RTN4: variants seen among roughly 807,000 people sequenced by gnomAD.
The protein encoded by RTN4 is reticulon 4.
Under a neutral mutation model 90.4 loss-of-function variants are expected in RTN4, and 32 were observed. That is an observed-to-expected ratio of 0.35 (90% CI 0.27 to 0.48). RTN4 has a LOEUF of 0.48. RTN4 is among the 20% of genes least tolerant of loss of function. The pLI is 0.99. For synonymous variants in RTN4, 629 were observed against 552.5 expected (o/e 1.14, Z -1.94); for missense variants, 1,706 against 1,430.2 (o/e 1.19, Z -3.11).
intron 2 of RTN4, among the ~76,000 whole-genome samples, chr2:55,076,693 C>A (rs1332423713): frequency 1.3e-5 from 2 of 152,042 alleles, no homozygotes; most frequent in African/African-American, 4.8e-5. Flanking sequence ...TGTGCCTGGT[C>A]CCACCCAAAT....
intron 1 of RTN4, among the ~76,000 whole-genome samples, chr2:55,103,404 T>A (rs777309056): frequency 1.3e-5 from 2 of 152,046 alleles, no homozygotes; most frequent in Non-Finnish European, 2.9e-5. Context: ...TTATATAGCA[T>A]AGTGCCTATA....
At chr2:55,111,156 G>A (rs542596326) in intron 1 of RTN4, among the ~76,000 whole-genome samples, 1 of 152,144 alleles carries the variant, frequency 6.6e-6, no homozygotes, top group Admixed American at 6.5e-5. Flanking sequence ...TTGCTTGCTT[G>A]CTAACCTTGG....
intron 1 of RTN4, among the ~76,000 whole-genome samples, chr2:55,092,371 G>T (rs919392402): frequency 2.6e-5 from 4 of 151,868 alleles, no homozygotes; most frequent in Admixed American, 6.6e-5. Context: ...TAGTAGCTGG[G>T]ATTACAGGCA....
Position 54,974,725 on chromosome 2 carries a change from A to C in RTN4, c.3400T>G (p.Leu1134Val). ...LMWVFTYVGA[L>V]FNGLTLLILA... ...ATCAGTAGTGTCAGACCATTAAACAAGGCACCAACATAGGTAAATACCCAC... is the reference window on the plus strand; with the variant it reads ...ATCAGTAGTGTCAGACCATTAAACACGGCACCAACATAGGTAAATACCCAC... The change falls in exon 6 of 9, where the codon TTG becomes GTG. Residue 1134 changes from leucine (L) to valine (V), a missense_variant. Coordinates refer to ENST00000337526, the MANE Select transcript of RTN4 (RefSeq NM_020532.5). 1 of 1,614,056 alleles carries C rather than the reference A, an allele frequency of 6.2e-7. No individual in the cohort carries two copies. The highest frequency in any genetic ancestry group is 8.5e-7 in the Non-Finnish European group (1 of 1,179,860).
upstream of RTN4, among the ~76,000 whole-genome samples, chr2:55,055,013 G>T (rs1229099812): frequency 6.6e-6 from 1 of 152,060 alleles, no homozygotes; most frequent in Non-Finnish European, 1.5e-5. Flanking sequence ...TTGACAGTTA[G>T]TGTTGGATCT....
At chr2:55,135,460 G>C in the RTN4 span, among the ~76,000 whole-genome samples, 1 of 152,148 alleles carries the variant, frequency 6.6e-6, no homozygotes, top group African/African-American at 2.4e-5. Flanking sequence ...GCCCACCTCA[G>C]CCTCCCAAAG....
the RTN4 span, among the ~76,000 whole-genome samples, chr2:55,124,753 G>A: frequency 3.8e-3 from 575 of 152,240 alleles, 5 homozygotes; most frequent in African/African-American, 0.013. Flanking sequence ...CCTGAATAGT[G>A]AAGGCAATCC....
chr2:54,973,533 G>C (rs1195518954), intron 8 of RTN4, 30 bp downstream of exon 8: 3 of 1,534,778 alleles, frequency 2.0e-6, no homozygotes, highest in South Asian at 1.1e-5. Flanking sequence ...CCTTATCCTA[G>C]TAAAAACACT....
rs1480875266 is a variant in RTN4 at position 54,975,724 on chromosome 2, T to C, written c.3361-960A>G. ...ATGTATTAAACGAACTCTGACTGAA[T>C]GCTTACTGACCATTAATTAAGCAGT... is the stretch of plus-strand genomic sequence containing the variant. On this transcript the variant is annotated intron_variant, in intron 5 of 8. Transcript: ENST00000337526. Among the ~76,000 whole-genome samples, 48 of 152,252 alleles carry C rather than the reference T, an allele frequency of 3.2e-4. 1 individual carries two copies. Among genetic ancestry groups the C allele is most frequent in the Admixed American group, 3.1e-3 (47 of 15,286 alleles).
chr2:55,025,728 A>G lies in RTN4; in HGVS notation c.2371T>C (p.Leu791=), dbSNP rs1442970308. Reference sequence around the variant, plus strand: ...TATGGCTTTCCTCCCTCAGGTGGCAAAGCACTGAGTTTTTCCTTATTTTCA... The same window carrying G: ...TATGGCTTTCCTCCCTCAGGTGGCAGAGCACTGAGTTTTTCCTTATTTTCA... ...EYENKEKLSA[L]PPEGGKPYLE... Residue 791 remains leucine, a synonymous_variant, in exon 3 of 9, where the codon TTG becomes CTG. Transcript: ENST00000337526. 1.2e-6 allele frequency: 2 copies of G among 1,613,662 alleles called. No individual in the cohort carries two copies. The highest frequency in any genetic ancestry group is 1.7e-5 in the Admixed American group (1 of 59,922).
intron 3 of RTN4, among the ~76,000 whole-genome samples, chr2:55,013,457 C>T (rs1293353252): frequency 6.6e-6 from 1 of 151,980 alleles, no homozygotes; most frequent in Non-Finnish European, 1.5e-5. Flanking sequence ...ATTACCTACA[C>T]GGTTTCTTTT....
intron 1 of RTN4, among the ~76,000 whole-genome samples, chr2:55,041,029 T>C (rs1683038292): frequency 6.6e-6 from 1 of 151,110 alleles, no homozygotes; most frequent in Admixed American, 6.6e-5. Flanking sequence ...ATTTGGCAGC[T>C]ATAGCTCCTA....
chr2:54,990,827 C>T (rs961754607), intron 3 of RTN4, among the ~76,000 whole-genome samples: 14 of 152,016 alleles, frequency 9.2e-5, no homozygotes, highest in Non-Finnish European at 1.6e-4. Context: ...GCACTGTCGC[C>T]CGGGCTGGAG....
chr2:55,083,654 C>T (rs1456581840), intron 1 of RTN4, among the ~76,000 whole-genome samples: 3 of 152,108 alleles, frequency 2.0e-5, no homozygotes, highest in Non-Finnish European at 4.4e-5. Context: ...TTAAGGGAAA[C>T]TATAAGGGGA....
intron 1 of RTN4, among the ~76,000 whole-genome samples, chr2:55,097,156 A>G (rs1667751710): frequency 6.6e-6 from 1 of 151,848 alleles, no homozygotes; most frequent in African/African-American, 2.4e-5. Flanking sequence ...GCCACTAAGC[A>G]ATTTAATATG....
intron 1 of RTN4, among the ~76,000 whole-genome samples, chr2:55,085,399 T>A (rs1291634369): frequency 6.6e-6 from 1 of 152,084 alleles, no homozygotes; most frequent in Admixed American, 6.6e-5. Context: ...AAGTCCAAAA[T>A]CTGCAGGGCA....
At chr2:55,010,421 T>TTGGTA in intron 3 of RTN4, 1 of 1,133,046 alleles carries the variant, frequency 8.8e-7, no homozygotes, top group Non-Finnish European at 1.1e-6. Flanking sequence ...GGAGCTGCAT[T>TTGGTA]TGCAGGGAGA....
intron 2 of RTN4, among the ~76,000 whole-genome samples, chr2:55,073,711 G>A (rs559860879): frequency 2.0e-5 from 3 of 152,306 alleles, no homozygotes; most frequent in Admixed American, 6.5e-5. Context: ...GCTTTCTGGG[G>A]ACATTTGCTG....
chr2:55,020,322 A>G (rs2104833284), intron 3 of RTN4, among the ~76,000 whole-genome samples: 1 of 152,324 alleles, frequency 6.6e-6, no homozygotes, highest in South Asian at 2.1e-4. Flanking sequence ...ATAGTAACCA[A>G]AACAGCATGG....
Sources: allele counts gnomAD v4.1 joint callset (sites outside exome capture counted in the v4.1 genomes callset), GRCh38; gene constraint gnomAD v4.1.1; transcripts MANE v1.5; gene names NCBI Gene and HGNC (gene_info 2026-07-23, HGNC 2026-07-21).